The following NHLRC2 variants were observed in gnomAD, a reference collection of about 807,000 sequenced individuals.
The protein encoded by NHLRC2 is NHL repeat containing 2.
A neutral mutation model predicts 68.1 loss-of-function variants in NHLRC2; 33 were observed. That is an observed-to-expected ratio of 0.48 (90% CI 0.37 to 0.65). The LOEUF (loss-of-function observed/expected upper bound fraction) is 0.65. Ranked by LOEUF, NHLRC2 falls within the 30% of genes least tolerant of loss-of-function variation. The pLI is 0.00. For synonymous variants in NHLRC2, 311 were observed against 309.6 expected (o/e 1.00, Z -0.05); for missense variants, 761 against 853.8 (o/e 0.89, Z 1.35).
At position 113,876,402 on chromosome 10, in the gene NHLRC2, T is replaced by C. The variant is rs1031475000; in HGVS notation, c.332-119T>C. On this transcript the variant is annotated intron_variant, in intron 2 of 10. Coordinates refer to ENST00000369301, the MANE Select transcript of NHLRC2 (RefSeq NM_198514.4). ...GTTGAAGATCCCAGCGTAGTTCTACTTTTCGTTTTTTTTTAATCTATGGAC... is the reference window on the plus strand; with the variant it reads ...GTTGAAGATCCCAGCGTAGTTCTACCTTTCGTTTTTTTTTAATCTATGGAC... 1.2e-5 allele frequency: 7 copies of C among 568,398 alleles called. No homozygotes were observed. In the African/African-American group the frequency reaches 1.3e-4, roughly 11 times the overall value. 35.2% of individuals were successfully genotyped at this position (568,398 alleles called of 1,614,324 possible).
rs1846246886 is a variant in NHLRC2 at position 113,903,584 on chromosome 10, A to G, written c.1552A>G (p.Thr518Ala). Residue 518 changes from threonine to alanine, a missense_variant, in exon 9 of 11, where the codon ACA (threonine) becomes GCA (alanine). Thr to Ala is a moderately conservative substitution (Grantham distance 58, BLOSUM62 0). Coordinates refer to ENST00000369301, the MANE Select transcript of NHLRC2 (RefSeq NM_198514.4). ...TACAACATTAGCAGGAACTGGAGAC[A>G]CAAATAATGTTACCAGTTCCAGTTT... Reference protein sequence around the residue: ...NCTTLAGTGDTNNVTSSSFTE... With the variant: ...NCTTLAGTGDANNVTSSSFTE... 1.2e-6 allele frequency: 2 copies of G among 1,612,946 alleles called. No individual in the cohort carries two copies. The highest frequency in any genetic ancestry group is 1.3e-5 in the African/African-American group (1 of 75,014).
At chr10:113,899,148 T>C (rs563462360) in intron 6 of NHLRC2, among the ~76,000 whole-genome samples, 2 of 152,218 alleles carry the variant, frequency 1.3e-5, no homozygotes, top group African/African-American at 4.8e-5. Context: ...TTCTCTCCTT[T>C]TGATTGTTTT....
Position 113,902,541 on chromosome 10 carries a change from C to T in NHLRC2, c.1442C>T (p.Thr481Ile). 6.2e-7 allele frequency: 1 copy of T among 1,607,918 alleles called. No individual in the cohort carries two copies. The highest frequency in any genetic ancestry group is 8.5e-7 in the Non-Finnish European group (1 of 1,176,330). The change falls in exon 8 of 11, where the codon ACA becomes ATA. Residue 481 changes from threonine (T) to isoleucine (I), a missense_variant. By Grantham distance (89) the Thr-to-Ile change is moderately conservative. Transcript: ENST00000369301. The part of the protein sequence containing the change: ...NAKLQHPLGV[T>I]WDKKRNLLYV... ...AAGCTTCAACACCCCCTTGGAGTAACATGGGACAAAAAAAGGAATTTACTT... is the reference window on the plus strand; with the variant it reads ...AAGCTTCAACACCCCCTTGGAGTAATATGGGACAAAAAAAGGAATTTACTT...
chr10:113,901,625 A>G, intron 6 of NHLRC2, 41 bp from the exon 7 acceptor site: 1 of 1,251,994 alleles, frequency 8.0e-7, no homozygotes. Flanking sequence ...TGCACACAAT[A>G]TACCACATGT....
At chr10:113,883,292 C>G (rs1220354103) in intron 4 of NHLRC2, among the ~76,000 whole-genome samples, 1 of 151,800 alleles carries the variant, frequency 6.6e-6, no homozygotes, top group Non-Finnish European at 1.5e-5. Flanking sequence ...ATATTGCTGG[C>G]TAGTACCTCT....
chr10:113,865,110 C>A (rs777963428), intron 2 of NHLRC2, among the ~76,000 whole-genome samples: 24 of 151,906 alleles, frequency 1.6e-4, no homozygotes, highest in Non-Finnish European at 1.3e-4. Context: ...TCACCACGCC[C>A]AGCTAATTTT....
chr10:113,855,637 GTTT>G (rs891557158), intron 1 of NHLRC2, among the ~76,000 whole-genome samples: 1 of 144,752 alleles, frequency 6.9e-6, no homozygotes, highest in Non-Finnish European at 1.5e-5. Context: ...CTGGCTAGTT[GTTT>G]TGTTTTGTTT....
At chr10:113,857,597 A>G (rs993246170) in intron 1 of NHLRC2, among the ~76,000 whole-genome samples, 1 of 152,170 alleles carries the variant, frequency 6.6e-6, no homozygotes, top group Non-Finnish European at 1.5e-5. Flanking sequence ...CATAATTAAT[A>G]GTTGTAATAG....
At chr10:113,878,018 A>C (rs1017640569) in intron 3 of NHLRC2, among the ~76,000 whole-genome samples, 3 of 152,196 alleles carry the variant, frequency 2.0e-5, no homozygotes, top group Non-Finnish European at 2.9e-5. Context: ...TTCTTTGTTA[A>C]AAGAGAAACC....
intron 2 of NHLRC2, among the ~76,000 whole-genome samples, chr10:113,865,916 C>T (rs1424796308): frequency 1.3e-5 from 2 of 152,150 alleles, no homozygotes; most frequent in Non-Finnish European, 2.9e-5. Flanking sequence ...TATCTTCTCC[C>T]ATTACTATTT....
At chr10:113,855,124 G>C in intron 1 of NHLRC2, 74 bp downstream of exon 1, 1 of 1,352,456 alleles carries the variant, frequency 7.4e-7, no homozygotes. Flanking sequence ...CTCCCGCGAA[G>C]CGGTGGGCTA....
chr10:113,879,156 G>A (rs1407060179), intron 3 of NHLRC2, among the ~76,000 whole-genome samples: 1 of 152,078 alleles, frequency 6.6e-6, no homozygotes, highest in Non-Finnish European at 1.5e-5. Flanking sequence ...TGGTCCTCAG[G>A]ATCTGGGATT....
chr10:113,858,707 C>G (rs1168863359), intron 2 of NHLRC2, 27 bp downstream of exon 2: 2 of 1,572,924 alleles, frequency 1.3e-6, no homozygotes, highest in South Asian at 1.1e-5. Context: ...TAGTTTCTAA[C>G]AGACTGTCCT....
At chr10:113,879,240 A>T (rs1032610950) in intron 3 of NHLRC2, among the ~76,000 whole-genome samples, 1 of 152,158 alleles carries the variant, frequency 6.6e-6, no homozygotes, top group African/African-American at 2.4e-5. Context: ...TCCAAGGAGC[A>T]TATCTTTCAA....
At chr10:113,861,690 A>G (rs1056527125) in intron 2 of NHLRC2, among the ~76,000 whole-genome samples, 1 of 152,250 alleles carries the variant, frequency 6.6e-6, no homozygotes, top group Non-Finnish European at 1.5e-5. Context: ...ACACTAGACA[A>G]TAATTCAAAG....
At chr10:113,871,013 A>G (rs1251088876) in intron 2 of NHLRC2, among the ~76,000 whole-genome samples, 2 of 123,652 alleles carry the variant, frequency 1.6e-5, no homozygotes, top group Non-Finnish European at 3.3e-5. Context: ...TGCTTCCTGC[A>G]TCTTTTTTTT....
At chr10:113,906,530 G>A (rs753740347) in intron 10 of NHLRC2, among the ~76,000 whole-genome samples, 35 of 148,526 alleles carry the variant, frequency 2.4e-4, no homozygotes, top group Non-Finnish European at 4.4e-4. Context: ...ATATATGCAA[G>A]TTTTAAGCCA....
chr10:113,876,684 A>G lies in NHLRC2; in HGVS notation c.495A>G (p.Leu165=). Reference sequence around the variant, plus strand: ...TAGAAGTTTCCTGCTGGCCAACTCTAGTCATACTTGGACCTCGTGGAAACA... The same window carrying G: ...TAGAAGTTTCCTGCTGGCCAACTCTGGTCATACTTGGACCTCGTGGAAACA... ...QELEVSCWPT[L]VILGPRGNML... is the part of the protein sequence containing the mutation. The change falls in exon 3 of 11, where the codon CTA becomes CTG. Residue 165 remains leucine (L), a synonymous_variant. Transcript: ENST00000369301. 4 of 1,613,968 alleles carry G rather than the reference A, an allele frequency of 2.5e-6. No homozygotes were observed. Among genetic ancestry groups the G allele is most frequent in the Non-Finnish European group, 3.4e-6 (4 of 1,179,898 alleles).
chr10:113,870,598 A>G (rs1845913474), intron 2 of NHLRC2, among the ~76,000 whole-genome samples: 1 of 152,256 alleles, frequency 6.6e-6, no homozygotes, highest in African/African-American at 2.4e-5. Context: ...AGCAATAAAT[A>G]ATCTTGTAGA....
Sources: gnomAD v4.1 joint callset for allele counts (sites outside exome capture counted in the v4.1 genomes callset) on GRCh38, gnomAD v4.1.1 for gene constraint, MANE v1.5 for transcripts, NCBI Gene and HGNC (gene_info 2026-07-23, HGNC 2026-07-21) for gene names.